BSN: variants seen among roughly 807,000 people sequenced by gnomAD.
BSN encodes the protein bassoon presynaptic cytomatrix protein, also known as protein bassoon.
Under a neutral mutation model 264.8 loss-of-function variants are expected in BSN, and 57 were observed. That is an observed-to-expected ratio of 0.22 (90% CI 0.17 to 0.27). The LOEUF is 0.27. BSN is among the 10% of genes least tolerant of loss of function. The probability of loss-of-function intolerance (pLI) is 1.00; values close to 1 mark genes in which losing one functional copy is unlikely to be tolerated. For missense variants in BSN, 4,615 were observed against 5,232.5 expected, an observed-to-expected ratio of 0.88 and a Z score of 3.64; for synonymous variants, 2,059 against 2,137.3, an observed-to-expected ratio of 0.96 and a Z score of 1.01.
At chr3:49,612,194 G>C (rs2052212106) in intron 1 of BSN, among the ~76,000 whole-genome samples, 1 of 150,876 alleles carries the variant, frequency 6.6e-6, no homozygotes, top group Non-Finnish European at 1.5e-5. Context: ...GGAGTGCAGT[G>C]GTGCAATCTC....
In BSN at chr3:49,594,087, C is replaced by T. The variant is rs190398803; in HGVS notation, c.225-30888C>T. On this transcript the variant is annotated intron_variant, in intron 1 of 11. Coordinates refer to ENST00000296452, the MANE Select transcript of BSN (RefSeq NM_003458.4). ...GATTACAGGCGTGAGCCACCACGCC[C>T]GGCCGCTAGATACTAGTTTTTAAAA... Among the ~76,000 whole-genome samples, 72 of 152,172 alleles carry T rather than the reference C, an allele frequency of 4.7e-4. 1 individual carries two copies. In the East Asian group the frequency reaches 8.3e-3, roughly 18 times the overall value.
rs372663868 is a variant in BSN at position 49,652,919 on chromosome 3, C to T, written c.3363C>T (p.Ser1121=). 7.0e-5 allele frequency: 113 copies of T among 1,610,852 alleles called. No homozygotes were observed. The South Asian group carries it at 1.2e-3, about 16-fold the overall frequency. ...QAAEMEELHR[S]SCSEYSPSPS... ...CCGAGATGGAGGAGCTACACCGCTC[C>T]TCCTGCTCTGAGTACTCACCCTCAC... The change falls in exon 5 of 12, where the codon TCC becomes TCT. Residue 1121 remains serine (S), a synonymous_variant. Transcript: ENST00000296452.
In BSN at chr3:49,657,649, TGGA is replaced by T; in HGVS notation, c.8095_8097del (p.Glu2699del). On this transcript the variant is annotated inframe_deletion, in exon 5 of 12. Transcript: ENST00000296452. Reference sequence around the variant, plus strand: ...ATCACAGCTGCCACCGATCCCAAGGTGGAGATCGTCAGGTACATATCGGCGCCA... The same window carrying T: ...ATCACAGCTGCCACCGATCCCAAGGTGATCGTCAGGTACATATCGGCGCCA... The T allele has an allele frequency of 5.0e-6, 8 of 1,592,268 alleles. No individual in the cohort carries two copies. Among genetic ancestry groups the T allele is most frequent in the Non-Finnish European group, 6.9e-6 (8 of 1,166,352 alleles).
intron 1 of BSN, among the ~76,000 whole-genome samples, chr3:49,613,303 C>CGAGAGAGAGAGAGAAAGAGAGA (rs2052223920): frequency 4.2e-5 from 2 of 47,332 alleles, no homozygotes; most frequent in African/African-American, 1.4e-4. Context: ...ACACACAGAG[C>CGAGAGAGAGAGAGAAAGAGAGA]GAGAGAGAGA....
intron 1 of BSN, among the ~76,000 whole-genome samples, chr3:49,598,640 G>T (rs1402153392): frequency 6.6e-6 from 1 of 151,864 alleles, no homozygotes; most frequent in Non-Finnish European, 1.5e-5. Context: ...TGCCCAGGTT[G>T]GAGTGATCCA....
At chr3:49,590,540 G>C (rs926463860) in intron 1 of BSN, among the ~76,000 whole-genome samples, 2 of 151,682 alleles carry the variant, frequency 1.3e-5, no homozygotes, top group African/African-American at 4.8e-5. Context: ...AAAATTATGT[G>C]CCTAGTGGTT....
At chr3:49,574,563 A>G (rs1344254913) in intron 1 of BSN, among the ~76,000 whole-genome samples, 1 of 149,658 alleles carries the variant, frequency 6.7e-6, no homozygotes, top group Non-Finnish European at 1.5e-5. Flanking sequence ...CCTGCCTAGT[A>G]ACTGGGATTA....
chr3:49,673,087 C>CTTTTTTTTTTTTTTTTTTTTT (rs71080543), downstream of BSN, among the ~76,000 whole-genome samples: 58 of 43,214 alleles, frequency 1.3e-3, 16 homozygotes, highest in East Asian at 6.7e-3. Context: ...CCGGCCGGGA[C>CTTTTTTTTTTTTTTTTTTTTT]TTTTTTTTTT....
chr3:49,614,339 G>A (rs763302959), intron 1 of BSN, among the ~76,000 whole-genome samples: 9 of 152,138 alleles, frequency 5.9e-5, no homozygotes, highest in Non-Finnish European at 8.8e-5. Context: ...GATTACAGGC[G>A]TGAGCCACCG....
Position 49,661,903 on chromosome 3 carries a change from TCTC to T in BSN, c.10062_10064del (p.Ser3355del). ...TCCAAGAGCCTGGCTCCAGCTGCCA[TCTC>T]CTCAAAGCGCAGCAAGCACCGGAAG... On this transcript the variant is annotated inframe_deletion, in exon 6 of 12. Coordinates refer to ENST00000296452, the MANE Select transcript of BSN (RefSeq NM_003458.4). 1 of 1,613,732 alleles carries T rather than the reference TCTC, an allele frequency of 6.2e-7. No individual in the cohort carries two copies. Among genetic ancestry groups the T allele is most frequent in the Non-Finnish European group, 8.5e-7 (1 of 1,180,022 alleles).
rs1383136962 is a variant in BSN at position 49,657,893 on chromosome 3, C to G, written c.8337C>G (p.Leu2779=). ...AGGCCCACCTGCCTCCGGAGTCTCT[C>G]TCACAGCTTGTGAGCCGCCAGCCTC... is the stretch of plus-strand genomic sequence containing the variant. The part of the protein sequence containing the change: ...GYQAHLPPES[L]SQLVSRQPPK... Residue 2779 remains leucine (L), a synonymous_variant, in exon 5 of 12, where the codon CTC becomes CTG. Coordinates refer to ENST00000296452, the MANE Select transcript of BSN (RefSeq NM_003458.4). The G allele has an allele frequency of 1.3e-5, 21 of 1,613,834 alleles. No individual in the cohort carries two copies. The highest frequency in any genetic ancestry group is 1.8e-5 in the Non-Finnish European group (21 of 1,179,952).
Position 49,625,170 on chromosome 3 carries a change from G to C in BSN, c.420G>C (p.Arg140=). The C allele has an allele frequency of 6.4e-7, 1 of 1,570,416 alleles. No homozygotes were observed. The highest frequency in any genetic ancestry group is 8.6e-7 in the Non-Finnish European group (1 of 1,156,376). ...QVDSRTQRSG[R]SPSVSPDRGS... The stretch of plus-strand genomic sequence containing the variant: ...ACAGCAGGACACAGAGATCAGGGCG[G>C]TCCCCCTCAGTGTCACCGGACAGAG... Residue 140 remains arginine, a synonymous_variant, in exon 2 of 12, where the codon CGG becomes CGC. Transcript: ENST00000296452. The surrounding 1 kb of genome is among the most constrained non-coding windows in gnomAD (Gnocchi z 4.4).
At chr3:49,614,758 TA>T (rs1436306372) in intron 1 of BSN, among the ~76,000 whole-genome samples, 1 of 152,232 alleles carries the variant, frequency 6.6e-6, no homozygotes, top group East Asian at 1.9e-4. Flanking sequence ...AAAGGAAAGT[TA>T]CCCTTATGTT....
intron 1 of BSN, among the ~76,000 whole-genome samples, chr3:49,606,589 G>A (rs1388592906): frequency 6.6e-6 from 1 of 151,738 alleles, no homozygotes; most frequent in East Asian, 1.9e-4. Context: ...CAGTGCCAGG[G>A]ACCGTGAAGC....
chr3:49,655,777 G>C lies in BSN; in HGVS notation c.6221G>C (p.Gly2074Ala). 1 of 1,613,442 alleles carries C rather than the reference G, an allele frequency of 6.2e-7. No individual in the cohort carries two copies. The highest frequency in any genetic ancestry group is 8.5e-7 in the Non-Finnish European group (1 of 1,180,022). Residue 2074 changes from glycine (G) to alanine (A), a missense_variant, in exon 5 of 12, where the codon GGC becomes GCC. This residue lies in a region of BSN where 3,415 missense variants were observed against 3,866.4 expected (regional missense o/e 0.88). Coordinates refer to ENST00000296452, the MANE Select transcript of BSN (RefSeq NM_003458.4). ...AACATCTACTCAGACCACAGGTACG[G>C]CCCACGGGGAGATGCAGTTGGCTTC... is the stretch of plus-strand genomic sequence containing the variant. ...VSNIYSDHRY[G>A]PRGDAVGFQE...
rs747943722 is a variant in BSN at position 49,655,879 on chromosome 3, T to C, written c.6323T>C (p.Met2108Thr). The C allele has an allele frequency of 1.2e-6, 2 of 1,612,918 alleles. No homozygotes were observed. The highest frequency in any genetic ancestry group is 1.7e-6 in the Non-Finnish European group (2 of 1,179,966). The stretch of plus-strand genomic sequence containing the variant: ...CGCATGTGCGCTGCCCTCAACTCCA[T>C]GGACCAGTATGGTGGGCGGCATGGC... ...ISRMCAALNS[M>T]DQYGGRHGSG... Residue 2108 changes from methionine to threonine, a missense_variant, in exon 5 of 12, where the codon ATG becomes ACG. Met to Thr is a moderately conservative substitution (Grantham distance 81, BLOSUM62 -1). Coordinates refer to ENST00000296452, the MANE Select transcript of BSN (RefSeq NM_003458.4).
At chr3:49,639,733 A>T (rs2052446731) in intron 2 of BSN, among the ~76,000 whole-genome samples, 1 of 152,252 alleles carries the variant, frequency 6.6e-6, no homozygotes. Flanking sequence ...TTTAGGAGCT[A>T]CGCAGAGCTG....
chr3:49,653,787 TCAC>T lies in BSN; in HGVS notation c.4234_4236del (p.Pro1412del), dbSNP rs1379480693. On this transcript the variant is annotated inframe_deletion, in exon 5 of 12. Coordinates refer to ENST00000296452, the MANE Select transcript of BSN (RefSeq NM_003458.4). The surrounding 1 kb of genome is among the most constrained non-coding windows in gnomAD (Gnocchi z 6.3). Reference sequence around the variant, plus strand: ...CCCAGCAGGCTCCGAGCGTAGTCCTTCACCATCTTCCACAGCCCACAGCTATGG... The same window carrying T: ...CCCAGCAGGCTCCGAGCGTAGTCCTTCATCTTCCACAGCCCACAGCTATGG... 1 of 1,614,024 alleles carries T rather than the reference TCAC, an allele frequency of 6.2e-7. No individual in the cohort carries two copies. The highest frequency in any genetic ancestry group is 1.1e-5 in the South Asian group (1 of 91,076).
chr3:49,575,659 T>TATAC (rs2051840833), intron 1 of BSN, among the ~76,000 whole-genome samples: 1 of 8,156 alleles, frequency 1.2e-4, no homozygotes, highest in African/African-American at 6.2e-4. Context: ...TGTGTGTGTG[T>TATAC]ATATATATAT....
Sources: allele counts gnomAD v4.1 joint callset (sites outside exome capture counted in the v4.1 genomes callset), GRCh38; gene constraint gnomAD v4.1.1; regional missense constraint gnomAD v4.1.1; non-coding constraint Gnocchi (gnomAD v3.1); transcripts MANE v1.5; gene names NCBI Gene and HGNC (gene_info 2026-07-23, HGNC 2026-07-21).